The following ACTR3C variants were observed in gnomAD, a reference collection of about 807,000 sequenced individuals.
ACTR3C encodes the protein actin-related protein 3C.
In ACTR3C, 18 loss-of-function variants were observed where a neutral mutation model predicts 26.3. That is an observed-to-expected ratio of 0.68 (90% CI 0.47 to 1.01). ACTR3C has a LOEUF of 1.01. ACTR3C is among the 50% of genes least tolerant of loss of function. The probability of loss-of-function intolerance (pLI) is 0.00; values close to 1 mark genes in which losing one functional copy is unlikely to be tolerated. For missense variants in ACTR3C, 184 were observed against 250.7 expected, an observed-to-expected ratio of 0.73 and a Z score of 1.80; for synonymous variants, 55 against 94.5, an observed-to-expected ratio of 0.58 and a Z score of 2.42.
the ACTR3C span, among the ~76,000 whole-genome samples, chr7:149,917,836 T>C: frequency 1.3e-5 from 2 of 151,794 alleles, no homozygotes; most frequent in Admixed American, 6.6e-5. Context: ...GAAGTTCTTT[T>C]GATTGAGACC....
the ACTR3C span, among the ~76,000 whole-genome samples, chr7:150,184,076 C>T: frequency 6.6e-6 from 1 of 150,540 alleles, no homozygotes; most frequent in Non-Finnish European, 1.5e-5. Context: ...TGCTCAGTTT[C>T]GGGTATTTCT....
the ACTR3C span, among the ~76,000 whole-genome samples, chr7:149,909,210 A>G: frequency 6.6e-6 from 1 of 151,386 alleles, no homozygotes; most frequent in Admixed American, 6.6e-5. Flanking sequence ...AACTTAAACA[A>G]AAACAGAATA....
the ACTR3C span, among the ~76,000 whole-genome samples, chr7:150,115,696 T>C: frequency 6.6e-6 from 1 of 152,174 alleles, no homozygotes; most frequent in Non-Finnish European, 1.5e-5. Flanking sequence ...GAAAGACACA[T>C]CACATGGGCA....
the ACTR3C span, among the ~76,000 whole-genome samples, chr7:149,944,751 C>G: frequency 6.6e-6 from 1 of 151,398 alleles, no homozygotes; most frequent in African/African-American, 2.4e-5. Flanking sequence ...GCCAGCACCT[C>G]CAGCAACCCC....
chr7:149,989,902 G>A, the ACTR3C span, among the ~76,000 whole-genome samples: 1 of 152,080 alleles, frequency 6.6e-6, no homozygotes, highest in Non-Finnish European at 1.5e-5. Context: ...CTCTAACACT[G>A]TGTGAGGGTT....
the ACTR3C span, among the ~76,000 whole-genome samples, chr7:149,922,969 G>GTTTTTTTTTTTTTTT: frequency 2.2e-4 from 5 of 23,102 alleles, no homozygotes; most frequent in African/African-American, 6.1e-4. Flanking sequence ...GAAATAAAAG[G>GTTTTTTTTTTTTTTT]CTTTTTTTTT....
At chr7:150,145,974 A>C in the ACTR3C span, among the ~76,000 whole-genome samples, 3 of 150,502 alleles carry the variant, frequency 2.0e-5, no homozygotes, top group Non-Finnish European at 4.4e-5. Flanking sequence ...AAAAATATGA[A>C]TATTTGCTAA....
chr7:150,322,198 G>A (rs938754326), intron 1 of ACTR3C, among the ~76,000 whole-genome samples: 1 of 152,200 alleles, frequency 6.6e-6, no homozygotes, highest in African/African-American at 2.4e-5. Flanking sequence ...TCAGGCAGCA[G>A]GCATTTGCCC....
At chr7:150,075,851 A>T in the ACTR3C span, among the ~76,000 whole-genome samples, 1 of 152,200 alleles carries the variant, frequency 6.6e-6, no homozygotes, top group African/African-American at 2.4e-5. Flanking sequence ...CCTGGCGAGA[A>T]AAGTAGGAGG....
chr7:150,152,569 A>G, the ACTR3C span, among the ~76,000 whole-genome samples: 16 of 152,212 alleles, frequency 1.1e-4, no homozygotes, highest in Admixed American at 7.2e-4. Flanking sequence ...TTTTGCATCA[A>G]TGTTCATCAA....
At chr7:150,039,107 G>A in the ACTR3C span, among the ~76,000 whole-genome samples, 1 of 150,016 alleles carries the variant, frequency 6.7e-6, no homozygotes, top group Non-Finnish European at 1.5e-5. Flanking sequence ...TCCTCCAGGT[G>A]GGTCCTAAGG....
the ACTR3C span, among the ~76,000 whole-genome samples, chr7:150,175,813 A>G: frequency 0.1 from 13,230 of 129,770 alleles, 1,438 homozygotes; most frequent in African/African-American, 0.29. Context: ...ACTCCATCTG[A>G]ACAAAAAAAA....
the ACTR3C span, among the ~76,000 whole-genome samples, chr7:149,974,970 A>G: frequency 6.6e-6 from 1 of 152,218 alleles, no homozygotes; most frequent in Non-Finnish European, 1.5e-5. Flanking sequence ...TTAGAAAAAG[A>G]AAACAATGAA....
the ACTR3C span, among the ~76,000 whole-genome samples, chr7:150,202,200 A>AT: frequency 6.6e-6 from 1 of 152,142 alleles, no homozygotes; most frequent in Non-Finnish European, 1.5e-5. Flanking sequence ...TCAGTCACTG[A>AT]TTTTTTCAAA....
the ACTR3C span, among the ~76,000 whole-genome samples, chr7:150,037,318 C>G: frequency 0.083 from 1,785 of 21,600 alleles, 69 homozygotes; most frequent in East Asian, 0.16. Flanking sequence ...ATCAACGATG[C>G]GGGGTCCTAA....
chr7:149,921,839 T>A, the ACTR3C span, among the ~76,000 whole-genome samples: 1 of 151,992 alleles, frequency 6.6e-6, no homozygotes, highest in African/African-American at 2.4e-5. Context: ...ATCAAGCCAC[T>A]GCACTCCAGC....
the ACTR3C span, among the ~76,000 whole-genome samples, chr7:150,080,083 A>G: frequency 6.6e-6 from 1 of 152,234 alleles, no homozygotes; most frequent in Non-Finnish European, 1.5e-5. Context: ...TGAATGGCAT[A>G]GGAATGACAG....
chr7:150,087,698 G>A, the ACTR3C span, among the ~76,000 whole-genome samples: 2 of 152,206 alleles, frequency 1.3e-5, no homozygotes, highest in African/African-American at 4.8e-5. Flanking sequence ...CCCTGACAAA[G>A]CCACAGCCTG....
At chr7:149,977,692 AT>A in the ACTR3C span, among the ~76,000 whole-genome samples, 3 of 152,244 alleles carry the variant, frequency 2.0e-5, no homozygotes, top group East Asian at 5.8e-4. Flanking sequence ...AGGGAAAGAG[AT>A]TCTGAGAAAC....
Sources: allele counts gnomAD v4.1 joint callset (sites outside exome capture counted in the v4.1 genomes callset), GRCh38; gene constraint gnomAD v4.1.1; transcripts MANE v1.5; gene names NCBI Gene and HGNC (gene_info 2026-07-23, HGNC 2026-07-21).